Variants in PPP2R1B observed in about 807,000 individuals in gnomAD.
PPP2R1B encodes the protein serine/threonine-protein phosphatase 2A 65 kDa regulatory subunit A beta isoform.
In PPP2R1B, 58 loss-of-function variants were observed where a neutral mutation model predicts 72.7. The ratio of observed to expected loss-of-function variants is 0.80; its 90% CI spans 0.65 to 0.99. The LOEUF (loss-of-function observed/expected upper bound fraction) is 0.99, where lower values mean the gene tolerates loss of function less well. PPP2R1B is among the 50% of genes least tolerant of loss of function. The probability of loss-of-function intolerance (pLI) is 0.00; values close to 1 mark genes in which losing one functional copy is unlikely to be tolerated. For synonymous variants in PPP2R1B, 256 were observed against 264.6 expected, an observed-to-expected ratio of 0.97 and a Z score of 0.32; for missense variants, 695 against 733.6, an observed-to-expected ratio of 0.95 and a Z score of 0.61.
the PPP2R1B span, among the ~76,000 whole-genome samples, chr11:111,691,961 C>CT: frequency 1.3e-5 from 2 of 152,104 alleles, no homozygotes; most frequent in Non-Finnish European, 2.9e-5. Context: ...AGGAGAAAGA[C>CT]TAACTCTGTC....
chr11:111,723,985 G>T, downstream of PPP2R1B: 1 of 1,614,166 alleles, frequency 6.2e-7, no homozygotes, highest in Non-Finnish European at 8.5e-7. Flanking sequence ...ACCTAACGGG[G>T]CCAGACTGTC....
At position 111,742,631 on chromosome 11, in the gene PPP2R1B, G is replaced by C. The variant is rs1236914627; in HGVS notation, c.1589C>G (p.Thr530Ser). ...LSEACGQEIT[T>S]KQMLPIVLKM... ...TAATACGATGGGCAGCATTTGCTTA[G>C]TAGTTATTTCCTGACCACAGGCCTC... Residue 530 changes from threonine (T) to serine (S), a missense_variant, in exon 13 of 15, where the codon ACT (threonine) becomes AGT (serine). Coordinates refer to ENST00000527614, the MANE Select transcript of PPP2R1B (RefSeq NM_002716.5). The C allele has an allele frequency of 6.2e-7, 1 of 1,613,484 alleles. No individual in the cohort carries two copies. Among genetic ancestry groups the C allele is most frequent in the South Asian group, 1.1e-5 (1 of 91,058 alleles).
intron 11 of PPP2R1B, among the ~76,000 whole-genome samples, chr11:111,743,944 A>C (rs1481178146): frequency 6.6e-6 from 1 of 152,232 alleles, no homozygotes; most frequent in Non-Finnish European, 1.5e-5. Flanking sequence ...AGCAGTGCAG[A>C]GAAGAGTGAA....
chr11:111,713,650 G>A, the PPP2R1B span, among the ~76,000 whole-genome samples: 2 of 152,126 alleles, frequency 1.3e-5, no homozygotes, highest in East Asian at 1.9e-4. Flanking sequence ...GAAAGACAGC[G>A]CCAGGTGCTG....
chr11:111,704,049 T>G, the PPP2R1B span, among the ~76,000 whole-genome samples: 1 of 152,180 alleles, frequency 6.6e-6, no homozygotes, highest in Non-Finnish European at 1.5e-5. Flanking sequence ...GGAAGAAACA[T>G]AACAAGAAAG....
chr11:111,748,583 TC>T (rs1349568649), intron 10 of PPP2R1B, among the ~76,000 whole-genome samples: 2 of 152,164 alleles, frequency 1.3e-5, no homozygotes, highest in African/African-American at 4.8e-5. Flanking sequence ...GCCCTGTTCC[TC>T]CCGACTGTCA....
At chr11:111,734,841 G>C (rs2136018938), downstream of PPP2R1B, among the ~76,000 whole-genome samples, 1 of 152,332 alleles carries the variant, frequency 6.6e-6, no homozygotes, top group South Asian at 2.1e-4. Context: ...GCAGCGCGAA[G>C]GCCCTGCCAG....
chr11:111,723,501 A>T (rs1224674908), downstream of PPP2R1B: 1 of 1,598,992 alleles, frequency 6.3e-7, no homozygotes, highest in Non-Finnish European at 8.5e-7. Context: ...TTTAGGCTCC[A>T]GCAGAAGCGA....
At chr11:111,702,697 T>C in the PPP2R1B span, among the ~76,000 whole-genome samples, 1 of 152,158 alleles carries the variant, frequency 6.6e-6, no homozygotes, top group African/African-American at 2.4e-5. Flanking sequence ...ATGCTAGTGC[T>C]CAAAGTTGCA....
chr11:111,725,635 T>C (rs1446626944), downstream of PPP2R1B: 1 of 152,692 alleles, frequency 6.5e-6, no homozygotes, highest in Non-Finnish European at 1.5e-5. Context: ...GCATCTTCCT[T>C]AAAGCACAAA....
the PPP2R1B span, among the ~76,000 whole-genome samples, chr11:111,716,984 AAAG>A: frequency 2.0e-5 from 3 of 152,160 alleles, no homozygotes; most frequent in Non-Finnish European, 2.9e-5. Context: ...ACACTTCTGA[AAAG>A]AAGACCTCAT....
Position 111,760,798 on chromosome 11 carries a change from C to CA in PPP2R1B, c.539+20dup, listed in dbSNP as rs782715858. On this transcript the variant is annotated intron_variant, in intron 4 of 14. Transcript: ENST00000527614. ...CTACCTGATTTCTGCTTTAACAAGG[C>CA]AAAAAAATACCATGGCTTACTGTCT... 7.3e-5 allele frequency: 117 copies of CA among 1,605,202 alleles called. 1 individual carries two copies. In the Middle Eastern group the frequency reaches 2.0e-3, roughly 27 times the overall value.
In PPP2R1B at chr11:111,766,344, C is replaced by T. The variant is rs782458648; in HGVS notation, c.18G>A (p.Glu6=). Reference sequence around the variant, plus strand: ...CCGCTGCTCCTGGGCCGGTCCCGAGCTCTGATGCGCCCGCCATGTTCTTTC... The same window carrying T: ...CCGCTGCTCCTGGGCCGGTCCCGAGTTCTGATGCGCCCGCCATGTTCTTTC... The part of the protein sequence containing the change: MAGAS[E]LGTGPGAAGG... Residue 6 remains glutamate, a synonymous_variant, in exon 1 of 15, where the codon GAG becomes GAA. Transcript: ENST00000527614. The T allele has an allele frequency of 4.6e-6, 7 of 1,530,244 alleles. No individual in the cohort carries two copies. The Admixed American group carries it at 7.4e-5, about 16-fold the overall frequency. 94.8% of individuals were successfully genotyped at this position (1,530,244 alleles called of 1,614,324 possible).
intron 15 of PPP2R1B, chr11:111,727,336 G>A: frequency 2.1e-6 from 1 of 467,732 alleles, no homozygotes; most frequent in Non-Finnish European, 3.8e-6. Context: ...TTGCCTCCTA[G>A]GAAAGAAAAA....
chr11:111,727,387 G>C, intron 15 of PPP2R1B: 1 of 362,774 alleles, frequency 2.8e-6, no homozygotes. Flanking sequence ...GAACTCCCAA[G>C]TGTTTAAACC....
downstream of PPP2R1B, chr11:111,723,508 G>C: frequency 6.2e-7 from 1 of 1,601,286 alleles, no homozygotes; most frequent in Non-Finnish European, 8.5e-7. Context: ...TCCAGCAGAA[G>C]CGACTCTTTC....
intron 11 of PPP2R1B, among the ~76,000 whole-genome samples, chr11:111,746,669 G>T (rs1343044326): frequency 6.6e-6 from 1 of 152,080 alleles, no homozygotes; most frequent in African/African-American, 2.4e-5. Context: ...AGCACAGAAT[G>T]ATTTGCTAGG....
chr11:111,701,405 G>C, the PPP2R1B span: 3 of 1,593,482 alleles, frequency 1.9e-6, no homozygotes, highest in Non-Finnish European at 1.7e-6. This position sits in a 1 kb window ranked among gnomAD's most constrained non-coding sequence, Gnocchi z 4.2. Context: ...AACAAAGAGT[G>C]TTTGACGTTC....
chr11:111,727,875 G>A (rs1944027049), intron 15 of PPP2R1B: 1 of 152,254 alleles, frequency 6.6e-6, no homozygotes, highest in Admixed American at 6.5e-5. Context: ...TGAGTGAGTG[G>A]CGCTCCTTTT....
Sources: gnomAD v4.1 joint callset for allele counts (sites outside exome capture counted in the v4.1 genomes callset) on GRCh38, gnomAD v4.1.1 for gene constraint, Gnocchi (gnomAD v3.1) non-coding constraint, MANE v1.5 for transcripts, NCBI Gene and HGNC (gene_info 2026-07-23, HGNC 2026-07-21) for gene names.